The following ING5 variants were observed in gnomAD, a reference collection of about 807,000 sequenced individuals.
The protein encoded by ING5 is inhibitor of growth family member 5.
ING5 carries 17 observed loss-of-function variants against 37.4 expected under a neutral mutation model. The observed-to-expected ratio is 0.45, with a 90% CI of 0.31 to 0.68. The LOEUF is 0.68. Among genes scored for constraint, ING5 ranks in the 30% least tolerant of loss-of-function variants. The probability of loss-of-function intolerance (pLI) is 0.05; values close to 1 mark genes in which losing one functional copy is unlikely to be tolerated. For missense variants in ING5, 233 were observed against 311.9 expected (o/e 0.75, Z 1.91); for synonymous variants, 123 against 116.6 (o/e 1.06, Z -0.36).
intron 6 of ING5, 21 bp from the exon 7 acceptor site, chr2:241,723,189 G>T: frequency 1.2e-6 from 2 of 1,614,162 alleles, no homozygotes; most frequent in South Asian, 1.1e-5. Context: ...GTTGACTGCG[G>T]TTTCTCCCTT....
chr2:241,695,390 T>C (rs2069616294), intron 2 of ING5, among the ~76,000 whole-genome samples: 1 of 152,106 alleles, frequency 6.6e-6, no homozygotes. Flanking sequence ...CGCTGTCACA[T>C]ATAACAAAAT....
chr2:241,700,490 C>G (rs1159292645), upstream of ING5, among the ~76,000 whole-genome samples: 2 of 151,478 alleles, frequency 1.3e-5, no homozygotes, highest in Non-Finnish European at 2.9e-5. Flanking sequence ...GAATCTTGCT[C>G]TGCTGGCCAG....
At chr2:241,692,738 G>A (rs539920811) in intron 2 of ING5, among the ~76,000 whole-genome samples, 1 of 151,994 alleles carries the variant, frequency 6.6e-6, no homozygotes, top group Non-Finnish European at 1.5e-5. Flanking sequence ...GCCAGTCAGC[G>A]ACCCCCATTT....
chr2:241,687,790 C>T (rs2069469519), exon 1 of ING5: 1 of 155,334 alleles, frequency 6.4e-6, no homozygotes, highest in South Asian at 2.1e-4. Context: ...TCCCAGAGTG[C>T]TGGGATTACA....
chr2:241,709,148 G>A (rs897811795), intron 2 of ING5, 68 bp from the exon 3 acceptor site: 1 of 1,508,436 alleles, frequency 6.6e-7, no homozygotes, highest in African/African-American at 1.4e-5. Context: ...GACTTTAGTT[G>A]TTGCCAGTCT....
Position 241,723,213 on chromosome 2 carries a change from C to A in ING5, c.622C>A (p.Pro208Thr), listed in dbSNP as rs776748116. Residue 208 changes from proline (P) to threonine (T), a missense_variant, in exon 7 of 8, where the codon CCA becomes ACA. Around this residue, in one of 4 missense-constraint regions of ING5, gnomAD observed 45 missense variants for 98.2 expected, o/e 0.46. Coordinates refer to ENST00000313552, the MANE Select transcript of ING5 (RefSeq NM_032329.6). ...EMIGCDNPDCPIEWFHFACVD... is the reference protein window; with the variant it reads ...EMIGCDNPDCTIEWFHFACVD... ...GGTTTCTCCCTTTACTTTGCAGTGT[C>A]CAATTGAGTGGTTTCACTTTGCCTG... 1 of 1,614,100 alleles carries A rather than the reference C, an allele frequency of 6.2e-7. No individual in the cohort carries two copies. Among genetic ancestry groups the A allele is most frequent in the Non-Finnish European group, 8.5e-7 (1 of 1,180,038 alleles).
intron 3 of ING5, 93 bp from the exon 4 acceptor site, chr2:241,711,284 A>G: frequency 1.2e-6 from 1 of 821,286 alleles, no homozygotes; most frequent in Non-Finnish European, 1.8e-6. Flanking sequence ...TTAAAGGGCA[A>G]GAAGGTGTTT....
rs1360488399 is a variant in ING5 at position 241,727,490 on chromosome 2, T to G, written c.*2459T>G. 3.9e-5 allele frequency: 6 copies of G among 152,042 alleles called. No individual in the cohort carries two copies. The highest frequency in any genetic ancestry group is 1.4e-4 in the African/African-American group (6 of 41,380). 9.4% of individuals were successfully genotyped at this position (152,042 alleles called of 1,614,324 possible). A position where few individuals can be genotyped will look rare whatever the true frequency, so the allele number is the denominator to read the frequency against. On this transcript the variant is annotated 3_prime_UTR_variant, in exon 8 of 8. Coordinates refer to ENST00000313552, the MANE Select transcript of ING5 (RefSeq NM_032329.6). ...CACCACGCCCAGCTAATTTTTGTAT[T>G]TTTAGTAGAAATGGGGTTTCACCAT...
chr2:241,719,708 C>T lies in ING5; in HGVS notation c.483-3231C>T, dbSNP rs1043622624. On this transcript the variant is annotated intron_variant, in intron 5 of 7. Coordinates refer to ENST00000313552, the MANE Select transcript of ING5 (RefSeq NM_032329.6). ...GGGGTCGGGGCTTCCTCCCTGAGGG[C>T]TCTGCCCAGCTTCAGAGACCTCAGG... 1.1e-5 allele frequency: 17 copies of T among 1,498,922 alleles called. No individual in the cohort carries two copies. In the African/African-American group the frequency reaches 2.1e-4, roughly 18 times the overall value. The allele number at this position is 1,498,922 out of a possible 1,614,324, so 92.9% of individuals were successfully genotyped here. A position where few individuals can be genotyped will look rare whatever the true frequency, so the allele number is the denominator to read the frequency against.
At chr2:241,692,049 A>G (rs2069564412) in intron 2 of ING5, among the ~76,000 whole-genome samples, 1 of 152,098 alleles carries the variant, frequency 6.6e-6, no homozygotes, top group African/African-American at 2.4e-5. Flanking sequence ...CCTTGTCTCA[A>G]TTTTTAAAAA....
chr2:241,706,782 T>G (rs1287859345), intron 2 of ING5, among the ~76,000 whole-genome samples: 2 of 152,168 alleles, frequency 1.3e-5, no homozygotes, highest in African/African-American at 4.8e-5. Flanking sequence ...TTGGCGACAT[T>G]GCTGCCTTGT....
intron 5 of ING5, among the ~76,000 whole-genome samples, chr2:241,713,185 T>G (rs1195772474): frequency 2.0e-5 from 3 of 151,074 alleles, no homozygotes; most frequent in Non-Finnish European, 4.4e-5. Flanking sequence ...CCCTCCTGGA[T>G]AGCTGCAACT....
At chr2:241,687,067 C>T (rs1402906204), upstream of ING5, 2 of 400,702 alleles carry the variant, frequency 5.0e-6, no homozygotes, top group Admixed American at 4.5e-5. Flanking sequence ...CCCTTCGCTC[C>T]GGGAGGGGAG....
upstream of ING5, among the ~76,000 whole-genome samples, chr2:241,701,866 C>G (rs2069733704): frequency 6.6e-6 from 1 of 151,722 alleles, no homozygotes; most frequent in Non-Finnish European, 1.5e-5. Context: ...TGCTCGCTGC[C>G]CGACGCCGCT....
intron 1 of ING5, among the ~76,000 whole-genome samples, chr2:241,704,209 C>T (rs548537731): frequency 7.9e-5 from 12 of 152,302 alleles, no homozygotes; most frequent in African/African-American, 2.9e-4. Context: ...AAAATGAGAT[C>T]ACAGTCCTTC....
rs774566608 is a variant in ING5, at chr2:241,705,394, C to CTTTTTTTTTTTT, written c.109+680_109+691dup. ...CGCCTGGCCCTAACTCTGTTTTTTT[C>CTTTTTTTTTTTT]TTTTTTTTTTTTTTTTTTTTTGAGA... On this transcript the variant is annotated intron_variant, in intron 2 of 7. Transcript: ENST00000313552. Among the ~76,000 whole-genome samples, 54 of 117,274 alleles carry CTTTTTTTTTTTT rather than the reference C, an allele frequency of 4.6e-4. 1 individual carries two copies. Among genetic ancestry groups the CTTTTTTTTTTTT allele is most frequent in the Middle Eastern group, 4.9e-3 (1 of 204 alleles). 76.9% of individuals were successfully genotyped at this position (117,274 alleles called of 152,430 possible).
intron 5 of ING5, among the ~76,000 whole-genome samples, chr2:241,716,117 G>T (rs914304844): frequency 6.6e-6 from 1 of 151,382 alleles, no homozygotes; most frequent in Non-Finnish European, 1.5e-5. Flanking sequence ...GCAATATTTG[G>T]TCTGTTCATA....
intron 1 of ING5, among the ~76,000 whole-genome samples, 169 bp from the exon 2 acceptor site, chr2:241,704,484 C>T (rs2069842428): frequency 6.6e-6 from 1 of 152,160 alleles, no homozygotes; most frequent in African/African-American, 2.4e-5. Context: ...GTGAGAATCA[C>T]TTGAACCTGG....
chr2:241,724,126 A>G, intron 7 of ING5: 1 of 1,159,404 alleles, frequency 8.6e-7, no homozygotes, highest in Non-Finnish European at 1.1e-6. Flanking sequence ...TGGCACTCAG[A>G]GGTCATCGTG....
Sources: allele counts gnomAD v4.1 joint callset (sites outside exome capture counted in the v4.1 genomes callset), GRCh38; gene constraint gnomAD v4.1.1; regional missense constraint gnomAD v4.1.1; transcripts MANE v1.5; gene names NCBI Gene and HGNC (gene_info 2026-07-23, HGNC 2026-07-21).